The following PGLS variants were observed in gnomAD, a reference collection of about 807,000 sequenced individuals.
The protein encoded by PGLS is epididymis secretory protein Li 304.
Under a neutral mutation model 23.2 loss-of-function variants are expected in PGLS, and 21 were observed. The observed-to-expected ratio is 0.91, with a 90% CI of 0.64 to 1.31. PGLS has a LOEUF of 1.31. Among genes scored for constraint, PGLS ranks in the 50% most tolerant of loss-of-function variants. PGLS has a pLI of 0.00. For missense variants in PGLS, 410 were observed against 354.0 expected (o/e 1.16, Z -1.27); for synonymous variants, 179 against 165.4 (o/e 1.08, Z -0.63).
intron 4 of PGLS, chr19:17,518,324 G>C (rs143830538): frequency 1.3e-5 from 2 of 151,948 alleles, no homozygotes; most frequent in African/African-American, 4.8e-5. Context: ...AGATAGAAAA[G>C]CTCCTGACAA....
chr19:17,516,807 T>C (rs2075535293), intron 2 of PGLS, among the ~76,000 whole-genome samples: 1 of 151,506 alleles, frequency 6.6e-6, no homozygotes, highest in Non-Finnish European at 1.5e-5. Context: ...CAGGATGGTC[T>C]CGATCTCCTG....
In PGLS at chr19:17,521,029, A is replaced by C. The variant is rs2075555287; in HGVS notation, c.725A>C (p.Glu242Ala). ...GGGAAACTGTGCTGGTTCTTGGACGAGGCGGCCGCCCGCCTCCTGACCGTG... is the reference window on the plus strand; with the variant it reads ...GGGAAACTGTGCTGGTTCTTGGACGCGGCGGCCGCCCGCCTCCTGACCGTG... ...HTGKLCWFLDEAAARLLTVPF... is the reference protein window; with the variant it reads ...HTGKLCWFLDAAAARLLTVPF... The change falls in exon 5 of 5, where the codon GAG becomes GCG. Residue 242 changes from glutamate (E) to alanine (A), a missense_variant. Physicochemically the swap from Glu to Ala is moderately radical, Grantham distance 107. Coordinates refer to ENST00000252603, the MANE Select transcript of PGLS (RefSeq NM_012088.3). 3 of 1,601,434 alleles carry C rather than the reference A, an allele frequency of 1.9e-6. No individual in the cohort carries two copies. The highest frequency in any genetic ancestry group is 2.6e-6 in the Non-Finnish European group (3 of 1,173,282).
chr19:17,521,009 A>C lies in PGLS; in HGVS notation c.705A>C (p.Lys235Asn). The C allele has an allele frequency of 6.2e-7, 1 of 1,601,772 alleles. No individual in the cohort carries two copies. Among genetic ancestry groups the C allele is most frequent in the Non-Finnish European group, 8.5e-7 (1 of 1,173,432 alleles). The stretch of plus-strand genomic sequence containing the variant: ...CCCTGGTCCAGCCCCACACCGGGAA[A>C]CTGTGCTGGTTCTTGGACGAGGCGG... The part of the protein sequence containing the change: ...PAALVQPHTG[K>N]LCWFLDEAAA... Residue 235 changes from lysine to asparagine, a missense_variant, in exon 5 of 5, where the codon AAA (lysine) becomes AAC (asparagine). Lys to Asn is a moderately conservative substitution (Grantham distance 94, BLOSUM62 0). Coordinates refer to ENST00000252603, the MANE Select transcript of PGLS (RefSeq NM_012088.3).
At chr19:17,516,139 A>G in intron 1 of PGLS, 34 bp from the exon 2 acceptor site, 1 of 1,514,472 alleles carries the variant, frequency 6.6e-7, no homozygotes, top group Non-Finnish European at 9.2e-7. Flanking sequence ...TGGTCACGTT[A>G]CTGTTGGTGA....
chr19:17,520,920 T>C, intron 4 of PGLS, 24 bp from the exon 5 acceptor site: 1 of 1,571,378 alleles, frequency 6.4e-7, no homozygotes, highest in Non-Finnish European at 8.6e-7. Flanking sequence ...AGGCAGGGCC[T>C]TACTCTTCTG....
intron 1 of PGLS, 48 bp downstream of exon 1, chr19:17,512,008 C>A: frequency 6.7e-7 from 1 of 1,492,158 alleles, no homozygotes; most frequent in South Asian, 1.2e-5. Context: ...GGGCCACAGC[C>A]ACCGCCTACA....
chr19:17,516,432 C>G, intron 2 of PGLS, 152 bp downstream of exon 2: 1 of 1,425,862 alleles, frequency 7.0e-7, no homozygotes, highest in Non-Finnish European at 9.2e-7. Context: ...GGCCACAGCC[C>G]TGCCCTGGGG....
chr19:17,517,948 TGAA>T, intron 4 of PGLS, 98 bp downstream of exon 4: 1 of 1,174,894 alleles, frequency 8.5e-7, no homozygotes. Flanking sequence ...GCATCAGATC[TGAA>T]GAAAACTCAG....
intron 4 of PGLS, 132 bp from the exon 5 acceptor site, chr19:17,520,812 C>T: frequency 1.1e-6 from 1 of 947,540 alleles, no homozygotes; most frequent in Non-Finnish European, 1.5e-6. Context: ...GGCACTAGGA[C>T]AGCTGAGCTG....
At chr19:17,512,280 CAG>C (rs991774867) in intron 1 of PGLS, 5 of 396,614 alleles carry the variant, frequency 1.3e-5, no homozygotes, top group African/African-American at 6.4e-5. Context: ...GTCTAGCCGA[CAG>C]GGCTCGCCCG....
chr19:17,514,666 T>C (rs946558801), intron 1 of PGLS, among the ~76,000 whole-genome samples: 43 of 152,000 alleles, frequency 2.8e-4, no homozygotes, highest in African/African-American at 1.0e-3. Context: ...TAATTTTTTT[T>C]TTTGAGTTGG....
chr19:17,520,995 C>G lies in PGLS; in HGVS notation c.691C>G (p.Pro231Ala), dbSNP rs1267147998. The G allele has an allele frequency of 6.3e-7, 1 of 1,599,994 alleles. No individual in the cohort carries two copies. The highest frequency in any genetic ancestry group is 2.3e-5 in the East Asian group (1 of 44,320). Residue 231 changes from proline (P) to alanine (A), a missense_variant, in exon 5 of 5, where the codon CCC becomes GCC. Transcript: ENST00000252603. ...CCCGCTGCCCGCCGCCCTGGTCCAG[C>G]CCCACACCGGGAAACTGTGCTGGTT... ...ENPLPAALVQ[P>A]HTGKLCWFLD...
chr19:17,518,507 A>G (rs2075543484), intron 4 of PGLS: 1 of 152,100 alleles, frequency 6.6e-6, no homozygotes, highest in African/African-American at 2.4e-5. Flanking sequence ...GAAACTGGAA[A>G]TATATTTTTA....
rs367847613 is a variant in PGLS, at chr19:17,516,513, T to C, written c.396+233T>C. The C allele has an allele frequency of 2.4e-5, 32 of 1,334,294 alleles. No homozygotes were observed. In the East Asian group the frequency reaches 7.4e-4, roughly 31 times the overall value. 82.7% of individuals were successfully genotyped at this position (1,334,294 alleles called of 1,614,324 possible). On this transcript the variant is annotated intron_variant, in intron 2 of 4. Transcript: ENST00000252603. Reference sequence around the variant, plus strand: ...GTCCTCACATCTTGGGGAAATATGATGGGTATGGCTATGGCTTTGATCACA... The same window carrying C: ...GTCCTCACATCTTGGGGAAATATGACGGGTATGGCTATGGCTTTGATCACA...
intron 1 of PGLS, among the ~76,000 whole-genome samples, chr19:17,514,706 G>A (rs891094361): frequency 6.6e-6 from 1 of 151,824 alleles, no homozygotes; most frequent in East Asian, 1.9e-4. Flanking sequence ...AGGCTGGAGT[G>A]CAATGGCGCG....
At chr19:17,519,332 A>C (rs1266943795) in intron 4 of PGLS, among the ~76,000 whole-genome samples, 1 of 148,140 alleles carries the variant, frequency 6.8e-6, no homozygotes, top group African/African-American at 2.5e-5. Context: ...AAAAAAAATC[A>C]AATGAATAAT....
chr19:17,512,441 G>A (rs2075513666), intron 1 of PGLS: 1 of 165,214 alleles, frequency 6.1e-6, no homozygotes, highest in African/African-American at 2.4e-5. Flanking sequence ...CAAGGGCCTG[G>A]AAGGGAATCC....
In PGLS at chr19:17,521,149, C is replaced by T. The variant is rs1190835026; in HGVS notation, c.*68C>T. On this transcript the variant is annotated 3_prime_UTR_variant, in exon 5 of 5. Transcript: ENST00000252603. Reference sequence around the variant, plus strand: ...ATGGGGCTGGGCCCCTGCTGGCCGCCACTCTCCGGGCTCTCCTTTCAAAAA... The same window carrying T: ...ATGGGGCTGGGCCCCTGCTGGCCGCTACTCTCCGGGCTCTCCTTTCAAAAA... 7.0e-7 allele frequency: 1 copy of T among 1,427,648 alleles called. No homozygotes were observed. The highest frequency in any genetic ancestry group is 1.5e-5 in the African/African-American group (1 of 68,248). 88.4% of individuals were successfully genotyped at this position (1,427,648 alleles called of 1,614,324 possible).
chr19:17,513,792 C>G (rs1315072530), intron 1 of PGLS, among the ~76,000 whole-genome samples: 1 of 152,206 alleles, frequency 6.6e-6, no homozygotes, highest in African/African-American at 2.4e-5. Flanking sequence ...GCACTCCAGC[C>G]TGGGCGACAG....
Sources: allele counts gnomAD v4.1 joint callset (sites outside exome capture counted in the v4.1 genomes callset), GRCh38; gene constraint gnomAD v4.1.1; transcripts MANE v1.5; gene names NCBI Gene and HGNC (gene_info 2026-07-23, HGNC 2026-07-21).